The following TAFA4 variants were observed in gnomAD, a reference collection of about 807,000 sequenced individuals.
The protein encoded by TAFA4 is chemokine-like protein TAFA-4.
In TAFA4, 20 loss-of-function variants were observed where a neutral mutation model predicts 21.1. The observed-to-expected ratio is 0.95, with a 90% CI of 0.67 to 1.38. The LOEUF is 1.38. Ranked by LOEUF, TAFA4 falls within the 40% of genes most tolerant of loss-of-function variation. TAFA4 has a pLI of 0.00. For missense variants in TAFA4, 211 were observed against 180.9 expected (o/e 1.17, Z -0.95); for synonymous variants, 71 against 67.4 (o/e 1.05, Z -0.26).
At chr3:68,870,677 A>T (rs1020703761) in intron 3 of TAFA4, among the ~76,000 whole-genome samples, 1 of 152,040 alleles carries the variant, frequency 6.6e-6, no homozygotes, top group Non-Finnish European at 1.5e-5. Context: ...CTATCAGCCA[A>T]CCGTCTAGGT....
intron 3 of TAFA4, among the ~76,000 whole-genome samples, chr3:68,852,985 G>T (rs911091064): frequency 6.6e-6 from 1 of 152,108 alleles, no homozygotes; most frequent in East Asian, 1.9e-4. Context: ...GTGTTCTGAA[G>T]TAATTCCTCC....
At chr3:68,821,999 A>G (rs1254022832) in intron 3 of TAFA4, among the ~76,000 whole-genome samples, 1 of 152,184 alleles carries the variant, frequency 6.6e-6, no homozygotes, top group Admixed American at 6.5e-5. Context: ...TTGCAATCCT[A>G]TTGAGCCTCA....
chr3:68,807,386 CA>C (rs1347123944), intron 3 of TAFA4, among the ~76,000 whole-genome samples: 1 of 152,160 alleles, frequency 6.6e-6, no homozygotes, highest in East Asian at 1.9e-4. Context: ...GCAGCGGAAG[CA>C]ATGATGAAGA....
At chr3:68,885,902 C>T (rs1205892342) in intron 1 of TAFA4, among the ~76,000 whole-genome samples, 2 of 152,074 alleles carry the variant, frequency 1.3e-5, no homozygotes, top group Non-Finnish European at 2.9e-5. Flanking sequence ...TCCCTCAACG[C>T]ATAAACCTAA....
chr3:68,853,715 G>T (rs1281774177), intron 3 of TAFA4, among the ~76,000 whole-genome samples: 2 of 152,124 alleles, frequency 1.3e-5, no homozygotes, highest in African/African-American at 4.8e-5. Flanking sequence ...GGCAAAGAAA[G>T]GCACAACAAG....
intron 3 of TAFA4, among the ~76,000 whole-genome samples, chr3:68,769,910 A>G (rs1702921669): frequency 6.6e-6 from 1 of 152,198 alleles, no homozygotes; most frequent in Non-Finnish European, 1.5e-5. Flanking sequence ...TCAGGAATTA[A>G]TCTTTTTAAT....
chr3:68,884,882 G>A (rs2089655118), intron 2 of TAFA4, among the ~76,000 whole-genome samples: 1 of 152,190 alleles, frequency 6.6e-6, no homozygotes, highest in Non-Finnish European at 1.5e-5. Context: ...CATTCCCCCA[G>A]AGAAATGCCA....
At chr3:68,871,617 A>G (rs1200711044) in intron 3 of TAFA4, among the ~76,000 whole-genome samples, 1 of 152,146 alleles carries the variant, frequency 6.6e-6, no homozygotes, top group Non-Finnish European at 1.5e-5. Flanking sequence ...AAGATAACCT[A>G]TGAAAAGGCC....
rs1702421293 is a variant in TAFA4 at position 68,744,681 on chromosome 3, C to CA, written c.287-5483_287-5482insT. 2.6e-5 allele frequency among the ~76,000 whole-genome samples: 4 copies of CA among 152,026 alleles called. No individual in the cohort carries two copies. The South Asian group carries it at 8.3e-4, about 32-fold the overall frequency. ...GAGGGGGAAATAAAAATGACGGATC[C>CA]GGATGTATATCACAGAACACTATGC... On this transcript the variant is annotated intron_variant, in intron 4 of 5. Transcript: ENST00000295569.
chr3:68,870,263 G>A (rs1391935807), intron 3 of TAFA4, among the ~76,000 whole-genome samples: 1 of 152,022 alleles, frequency 6.6e-6, no homozygotes, highest in African/African-American at 2.4e-5. Context: ...TTGTTAAAAT[G>A]TCAATACTAC....
intron 5 of TAFA4, 67 bp from the exon 6 acceptor site, chr3:68,733,220 C>A (rs371664765): frequency 6.3e-7 from 1 of 1,578,366 alleles, no homozygotes; most frequent in South Asian, 1.2e-5. Context: ...TTCCTGCCCC[C>A]GAGACCAATA....
chr3:68,782,828 T>C (rs1282002869), intron 3 of TAFA4, among the ~76,000 whole-genome samples: 1 of 152,226 alleles, frequency 6.6e-6, no homozygotes, highest in Non-Finnish European at 1.5e-5. Flanking sequence ...ACAGTCATGA[T>C]GGTTGTACAA....
chr3:68,786,459 C>A (rs929944768), intron 3 of TAFA4, among the ~76,000 whole-genome samples: 12 of 152,152 alleles, frequency 7.9e-5, no homozygotes, highest in African/African-American at 2.9e-4. Context: ...CCACTGCATT[C>A]CAGACTGGGC....
At chr3:68,738,165 A>G (rs1252473808) in intron 5 of TAFA4, among the ~76,000 whole-genome samples, 1 of 152,214 alleles carries the variant, frequency 6.6e-6, no homozygotes, top group Non-Finnish European at 1.5e-5. Context: ...ATGATTAGCC[A>G]GAAAAGAAAG....
chr3:68,833,003 G>A (rs892769690), intron 3 of TAFA4, among the ~76,000 whole-genome samples: 4 of 152,254 alleles, frequency 2.6e-5, no homozygotes, highest in Non-Finnish European at 5.9e-5. Flanking sequence ...GGCATGGGAC[G>A]TGCCAAGCCA....
chr3:68,839,367 T>C (rs1440656790), intron 3 of TAFA4, among the ~76,000 whole-genome samples: 1 of 152,166 alleles, frequency 6.6e-6, no homozygotes, highest in Non-Finnish European at 1.5e-5. Context: ...CATTATTATA[T>C]GGGGAATAGT....
chr3:68,848,700 A>G (rs527303733), intron 3 of TAFA4, among the ~76,000 whole-genome samples: 1 of 152,308 alleles, frequency 6.6e-6, no homozygotes, highest in South Asian at 2.1e-4. Flanking sequence ...CTCAGACAGT[A>G]ATTTCTGTTG....
At chr3:68,814,550 A>G (rs886824622) in intron 3 of TAFA4, among the ~76,000 whole-genome samples, 1 of 152,132 alleles carries the variant, frequency 6.6e-6, no homozygotes, top group Non-Finnish European at 1.5e-5. Flanking sequence ...TCATGAGTGA[A>G]CTCCCATTCA....
intron 1 of TAFA4, among the ~76,000 whole-genome samples, chr3:68,886,075 G>A (rs2089669962): frequency 6.6e-6 from 1 of 152,120 alleles, no homozygotes; most frequent in South Asian, 2.1e-4. Flanking sequence ...ATTATGATAT[G>A]TGTTAATAAA....
Sources: gnomAD v4.1 joint callset for allele counts (sites outside exome capture counted in the v4.1 genomes callset) on GRCh38, gnomAD v4.1.1 for gene constraint, MANE v1.5 for transcripts, NCBI Gene and HGNC (gene_info 2026-07-23, HGNC 2026-07-21) for gene names.